DDC: variants seen among roughly 807,000 people sequenced by gnomAD.
The protein encoded by DDC is aromatic-L-amino-acid decarboxylase.
Under a neutral mutation model 60.0 loss-of-function variants are expected in DDC, and 43 were observed. That is an observed-to-expected ratio of 0.72 (90% confidence interval 0.56 to 0.92). The LOEUF (loss-of-function observed/expected upper bound fraction) is 0.92. Among genes scored for constraint, DDC ranks in the 40% least tolerant of loss-of-function variants. The pLI, the probability that DDC is intolerant of heterozygous loss-of-function variation, is 0.00. For missense variants in DDC, 573 were observed against 620.2 expected (o/e 0.92, Z 0.81); for synonymous variants, 232 against 234.6 (o/e 0.99, Z 0.10).
At chr7:50,460,437 C>T (rs1159789710) in intron 14 of DDC, among the ~76,000 whole-genome samples, 3 of 150,882 alleles carry the variant, frequency 2.0e-5, no homozygotes, top group Non-Finnish European at 4.4e-5. Context: ...CCCGGCCAGC[C>T]GCCCCGTCCG....
At chr7:50,554,954 C>T (rs1023432372) in intron 1 of DDC, among the ~76,000 whole-genome samples, 2 of 152,132 alleles carry the variant, frequency 1.3e-5, no homozygotes, top group Non-Finnish European at 2.9e-5. Flanking sequence ...ACTCGGCTTG[C>T]GTCTTATCTC....
At chr7:50,477,549 C>T (rs781669685) in intron 10 of DDC, 4 of 457,308 alleles carry the variant, frequency 8.7e-6, no homozygotes, top group South Asian at 6.2e-5. Flanking sequence ...ACGCCCCACC[C>T]TGCACTTCAT....
At chr7:50,503,798 C>T (rs1442590013) in intron 7 of DDC, among the ~76,000 whole-genome samples, 195 bp downstream of exon 7, 1 of 152,248 alleles carries the variant, frequency 6.6e-6, no homozygotes, top group Middle Eastern at 3.4e-3. Flanking sequence ...AAGCTCAGTT[C>T]TTTTCCAATT....
intron 9 of DDC, among the ~76,000 whole-genome samples, chr7:50,494,015 T>C (rs1230148942): frequency 1.3e-5 from 2 of 152,212 alleles, no homozygotes; most frequent in African/African-American, 4.8e-5. Context: ...ACAAAATTCA[T>C]GCAAATCCTC....
At chr7:50,491,028 G>T (rs1189748494) in intron 9 of DDC, among the ~76,000 whole-genome samples, 1 of 152,088 alleles carries the variant, frequency 6.6e-6, no homozygotes, top group Non-Finnish European at 1.5e-5. Flanking sequence ...TACAATTTGG[G>T]CTGAATTCTA....
In DDC at chr7:50,528,224, G is replaced by A. The variant is rs755420245; in HGVS notation, c.627C>T (p.Ile209=). The A allele has an allele frequency of 3.1e-6, 5 of 1,614,204 alleles. No individual in the cohort carries two copies. The South Asian group carries it at 5.5e-5, about 18-fold the overall frequency. ...GLIGGVKLKA[I]PSDGNFAMRA... is the part of the protein sequence containing the mutation. The stretch of plus-strand genomic sequence containing the variant: ...GCATGGCGAAGTTGCCATCTGAGGG[G>A]ATGGCTTTTAATTTCACTCCACCAA... Residue 209 remains isoleucine, a synonymous_variant, in exon 6 of 15, where the codon ATC becomes ATT. Coordinates refer to ENST00000444124, the MANE Select transcript of DDC (RefSeq NM_001082971.2).
At chr7:50,504,198 G>A (rs1214101864) in intron 6 of DDC, 139 bp from the exon 7 acceptor site, 13 of 711,866 alleles carry the variant, frequency 1.8e-5, no homozygotes, top group Non-Finnish European at 2.9e-5. Context: ...ACATGGAAAC[G>A]TAAGCCCATG....
rs149196552 is a variant in DDC, at chr7:50,520,633, G to T, written c.714+7504C>A. 6.3e-3 allele frequency among the ~76,000 whole-genome samples: 954 copies of T among 152,290 alleles called. 10 individuals carry two copies. The highest frequency in any genetic ancestry group is 0.022 in the African/African-American group (911 of 41,556). Reference sequence around the variant, plus strand: ...AAAAAGGCAATTTAAATGCAATGTGGCCAGGTGCAGTGGCTCATGCCTGTA... The same window carrying T: ...AAAAAGGCAATTTAAATGCAATGTGTCCAGGTGCAGTGGCTCATGCCTGTA... On this transcript the variant is annotated intron_variant, in intron 6 of 14. Coordinates refer to ENST00000444124, the MANE Select transcript of DDC (RefSeq NM_001082971.2).
intron 1 of DDC, among the ~76,000 whole-genome samples, chr7:50,545,244 C>T (rs1217091301): frequency 2.0e-5 from 3 of 152,328 alleles, no homozygotes; most frequent in African/African-American, 7.2e-5. Flanking sequence ...CACATATGTA[C>T]GTCCCTGAGT....
intron 8 of DDC, 43 bp downstream of exon 8, chr7:50,499,105 G>A: frequency 7.1e-7 from 1 of 1,418,222 alleles, no homozygotes; most frequent in Non-Finnish European, 1.0e-6. Context: ...CAATAACAGA[G>A]CACTGTGAAA....
chr7:50,515,436 A>G (rs1019118071), intron 6 of DDC, among the ~76,000 whole-genome samples: 2 of 152,356 alleles, frequency 1.3e-5, no homozygotes, highest in Admixed American at 1.3e-4. Flanking sequence ...AATCCTGGAA[A>G]CACATCAAAA....
At chr7:50,478,814 T>TAAAAC (rs3071970) in intron 10 of DDC, among the ~76,000 whole-genome samples, 116,868 of 151,632 alleles carry the variant, frequency 0.77, 45,231 homozygotes, top group Admixed American at 0.83. Context: ...GGTGCAGAGT[T>TAAAAC]AAAGCGAACA....
At chr7:50,504,112 G>A in intron 6 of DDC, 53 bp from the exon 7 acceptor site, 1 of 1,320,426 alleles carries the variant, frequency 7.6e-7, no homozygotes, top group East Asian at 2.3e-5. Flanking sequence ...AGTCACCGCT[G>A]TAACCTCCAC....
At chr7:50,555,475 C>T (rs1187112568) in intron 1 of DDC, among the ~76,000 whole-genome samples, 3 of 152,166 alleles carry the variant, frequency 2.0e-5, no homozygotes, top group Non-Finnish European at 1.5e-5. Context: ...ACCCCTGTTT[C>T]CTTCATCCTG....
intron 4 of DDC, among the ~76,000 whole-genome samples, chr7:50,536,562 GA>G (rs2044418677): frequency 1.3e-5 from 2 of 152,236 alleles, no homozygotes; most frequent in African/African-American, 4.8e-5. Context: ...CTAGAAGTCA[GA>G]AGAGGCAAGG....
intron 1 of DDC, among the ~76,000 whole-genome samples, chr7:50,562,603 T>C (rs1321693685): frequency 3.3e-5 from 5 of 152,174 alleles, no homozygotes; most frequent in African/African-American, 1.2e-4. Flanking sequence ...CCCCTGGCAA[T>C]GCACCCATGA....
At chr7:50,495,000 T>A (rs4470989) in intron 9 of DDC, among the ~76,000 whole-genome samples, 95,598 of 152,026 alleles carry the variant, frequency 0.63, 30,441 homozygotes, top group Non-Finnish European at 0.69. Flanking sequence ...TCAGATTGCT[T>A]AAACTTAGCA....
At chr7:50,544,535 G>A (rs1425848176) in intron 1 of DDC, among the ~76,000 whole-genome samples, 1 of 152,138 alleles carries the variant, frequency 6.6e-6, no homozygotes, top group Non-Finnish European at 1.5e-5. Context: ...GACCTCTCAG[G>A]AGGGCATGAA....
Position 50,537,964 on chromosome 7 carries a change from A to G in DDC, c.331T>C (p.Cys111Arg), listed in dbSNP as rs1431491786. ...IGFSWAASPA[C>R]TELETVMMDW... ...ATCATCACAGTCTCCAGCTCTGTGC[A>G]TGCTGGGCTTGCCGCCTGTCGTGGG... Residue 111 changes from cysteine (C) to arginine (R), a missense_variant, in exon 4 of 15, where the codon TGC becomes CGC. Coordinates refer to ENST00000444124, the MANE Select transcript of DDC (RefSeq NM_001082971.2). The G allele has an allele frequency of 3.7e-6, 6 of 1,614,152 alleles. No individual in the cohort carries two copies. Among genetic ancestry groups the G allele is most frequent in the Non-Finnish European group, 5.1e-6 (6 of 1,180,016 alleles).
Sources: gnomAD v4.1 joint callset for allele counts (sites outside exome capture counted in the v4.1 genomes callset) on GRCh38, gnomAD v4.1.1 for gene constraint, MANE v1.5 for transcripts, NCBI Gene and HGNC (gene_info 2026-07-23, HGNC 2026-07-21) for gene names.